IRAK3: variants seen among roughly 807,000 people sequenced by gnomAD.
The protein encoded by IRAK3 is interleukin 1 receptor associated kinase 3.
In IRAK3, 57 loss-of-function variants were observed where a neutral mutation model predicts 56.6. The ratio of observed to expected loss-of-function variants is 1.01; its 90% confidence interval spans 0.81 to 1.26. IRAK3 has a LOEUF of 1.26. Ranked by LOEUF, IRAK3 falls within the 50% of genes most tolerant of loss-of-function variation. IRAK3 has a pLI of 0.00. For missense variants in IRAK3, 703 were observed against 719.0 expected, an observed-to-expected ratio of 0.98 and a Z score of 0.25; for synonymous variants, 258 against 255.7, an observed-to-expected ratio of 1.01 and a Z score of -0.09.
In IRAK3 at chr12:66,252,988, A is replaced by C. The variant is rs2053115457; in HGVS notation, c.*4817A>C. The C allele has an allele frequency of 6.6e-6, 1 of 152,176 alleles. No individual in the cohort carries two copies. The highest frequency in any genetic ancestry group is 1.5e-5 in the Non-Finnish European group (1 of 68,044). 9.4% of individuals were successfully genotyped at this position (152,176 alleles called of 1,614,324 possible). A position where few individuals can be genotyped will look rare whatever the true frequency, so the allele number is the denominator to read the frequency against. The stretch of plus-strand genomic sequence containing the variant: ...CACGTGATACTGGAGTTGCCTGTTA[A>C]ATTATATTTCTTCTTCCACAAAACT... On this transcript the variant is annotated 3_prime_UTR_variant, in exon 12 of 12. Coordinates refer to ENST00000261233, the MANE Select transcript of IRAK3 (RefSeq NM_007199.3).
chr12:66,246,614 A>G (rs1326361867), intron 11 of IRAK3, among the ~76,000 whole-genome samples: 1 of 152,238 alleles, frequency 6.6e-6, no homozygotes, highest in African/African-American at 2.4e-5. Flanking sequence ...CCGGTGTCAA[A>G]CAGCAGGTCT....
intron 5 of IRAK3, among the ~76,000 whole-genome samples, chr12:66,216,673 C>T (rs1331345783): frequency 6.6e-6 from 1 of 152,188 alleles, no homozygotes; most frequent in African/African-American, 2.4e-5. Context: ...TCTAAAGCTT[C>T]TTGAAAGTAA....
At position 66,252,804 on chromosome 12, in the gene IRAK3, C is replaced by G. The variant is rs912029295; in HGVS notation, c.*4633C>G. The G allele has an allele frequency of 1.3e-5, 2 of 152,210 alleles. No homozygotes were observed. Among genetic ancestry groups the G allele is most frequent in the African/African-American group, 4.8e-5 (2 of 41,436 alleles). The allele number at this position is 152,210 out of a possible 1,614,324, so 9.4% of individuals were successfully genotyped here. A position where few individuals can be genotyped will look rare whatever the true frequency, so the allele number is the denominator to read the frequency against. On this transcript the variant is annotated 3_prime_UTR_variant, in exon 12 of 12. Transcript: ENST00000261233. The stretch of plus-strand genomic sequence containing the variant: ...TAATCCCATGGTGGACCTCACTTTG[C>G]TATTCATATGCACTAAGTAGTTTAT...
intron 1 of IRAK3, among the ~76,000 whole-genome samples, chr12:66,200,633 A>G (rs1316560485): frequency 6.6e-6 from 1 of 152,224 alleles, no homozygotes; most frequent in Non-Finnish European, 1.5e-5. Flanking sequence ...CAGTGGGAGC[A>G]TAAAGTTGAG....
chr12:66,222,849 G>A (rs1045377797), intron 6 of IRAK3, among the ~76,000 whole-genome samples: 18 of 151,824 alleles, frequency 1.2e-4, no homozygotes, highest in African/African-American at 3.9e-4. Flanking sequence ...TTTCACTCGC[G>A]TCTGTGTGAA....
intron 7 of IRAK3, among the ~76,000 whole-genome samples, chr12:66,227,682 C>G (rs762937297): frequency 1.3e-5 from 2 of 151,496 alleles, no homozygotes; most frequent in Non-Finnish European, 2.9e-5. Flanking sequence ...TTGCTTGAGC[C>G]CAGGGACATG....
chr12:66,236,213 G>GGAGGAT (rs964407095), intron 8 of IRAK3, among the ~76,000 whole-genome samples: 14 of 152,012 alleles, frequency 9.2e-5, no homozygotes, highest in Non-Finnish European at 1.8e-4. Context: ...CAGGGAGGAG[G>GGAGGAT]GAGGATGAGG....
rs183809844 is a variant in IRAK3, at chr12:66,249,900, C to T, written c.*1729C>T. The T allele has an allele frequency of 6.6e-5, 10 of 152,262 alleles. No individual in the cohort carries two copies. Among genetic ancestry groups the T allele is most frequent in the African/African-American group, 9.6e-5 (4 of 41,540 alleles). 9.4% of individuals were successfully genotyped at this position (152,262 alleles called of 1,614,324 possible). A position where few individuals can be genotyped will look rare whatever the true frequency, so the allele number is the denominator to read the frequency against. On this transcript the variant is annotated 3_prime_UTR_variant, in exon 12 of 12. Transcript: ENST00000261233. ...ATTACACCTGCAAAGTCCGTTTTCT[C>T]GTGTAAAGTAACATATTCACAGGTT...
At chr12:66,235,063 G>A (rs1392938540) in intron 8 of IRAK3, 1 of 1,613,236 alleles carries the variant, frequency 6.2e-7, no homozygotes, top group Non-Finnish European at 8.5e-7. Context: ...GCTTCACCAG[G>A]TCCTGGTCGG....
intron 2 of IRAK3, among the ~76,000 whole-genome samples, chr12:66,206,709 C>A (rs923752872): frequency 1.3e-5 from 2 of 152,142 alleles, no homozygotes; most frequent in African/African-American, 4.8e-5. Flanking sequence ...GCATTGGTAT[C>A]AATAATACTG....
intron 11 of IRAK3, among the ~76,000 whole-genome samples, chr12:66,246,595 C>T (rs577291669): frequency 2.6e-5 from 4 of 152,198 alleles, no homozygotes; most frequent in Non-Finnish European, 5.9e-5. Flanking sequence ...GAATTGGAAG[C>T]CCGGAGATCC....
chr12:66,211,357 C>T, intron 4 of IRAK3, 89 bp from the exon 5 acceptor site: 2 of 978,436 alleles, frequency 2.0e-6, no homozygotes, highest in Non-Finnish European at 1.6e-6. Context: ...TTCCACTGGA[C>T]TCTGATTTGT....
rs373201494 is a variant in IRAK3, at chr12:66,212,559, T to C, written c.588+962T>C. Among the ~76,000 whole-genome samples the C allele has an allele frequency of 2.6e-5, 4 of 152,288 alleles. No individual in the cohort carries two copies. In the East Asian group the frequency reaches 7.7e-4, roughly 29 times the overall value. On this transcript the variant is annotated intron_variant, in intron 5 of 11. Transcript: ENST00000261233. The stretch of plus-strand genomic sequence containing the variant: ...CATGTAGAGATGAATAAGGCATAGT[T>C]CTGTCCTCAAGGAGCTCACAGTCTC...
chr12:66,250,655 C>T lies in IRAK3; in HGVS notation c.*2484C>T, dbSNP rs941714934. On this transcript the variant is annotated 3_prime_UTR_variant, in exon 12 of 12. Coordinates refer to ENST00000261233, the MANE Select transcript of IRAK3 (RefSeq NM_007199.3). ...GAATATGGACCCCCACCAATACATT[C>T]AATGAAGGGTCATTAAGGAAGCTCT... 17 of 152,230 alleles carry T rather than the reference C, an allele frequency of 1.1e-4. No individual in the cohort carries two copies. The highest frequency in any genetic ancestry group is 2.5e-4 in the Non-Finnish European group (17 of 68,058). 9.4% of individuals were successfully genotyped at this position (152,230 alleles called of 1,614,324 possible).
At chr12:66,213,552 A>G (rs1034069148) in intron 5 of IRAK3, among the ~76,000 whole-genome samples, 1 of 152,176 alleles carries the variant, frequency 6.6e-6, no homozygotes. Flanking sequence ...GATACATATT[A>G]TCATATATTT....
intron 2 of IRAK3, 51 bp downstream of exon 2, chr12:66,203,944 A>G: frequency 6.8e-7 from 1 of 1,463,132 alleles, no homozygotes; most frequent in Non-Finnish European, 9.6e-7. Context: ...AGGAACTGTA[A>G]TTTGTAAATT....
In IRAK3 at chr12:66,203,765, ACC is replaced by A; in HGVS notation, c.189_190del (p.Asp63GlufsTer3). 1.2e-6 allele frequency: 2 copies of A among 1,614,094 alleles called. No individual in the cohort carries two copies. Among genetic ancestry groups the A allele is most frequent in the Non-Finnish European group, 1.7e-6 (2 of 1,179,978 alleles). On this transcript the variant is annotated frameshift_variant, in exon 2 of 12. Coordinates refer to ENST00000261233, the MANE Select transcript of IRAK3 (RefSeq NM_007199.3). LOFTEE classifies it high-confidence loss of function. ...GTTCGTCATATTGAAAAGTATGTAG[ACC>A]AAGGTAAAAGTGGAACAAGAGAATT...
At chr12:66,236,498 G>A (rs1282543713) in intron 8 of IRAK3, among the ~76,000 whole-genome samples, 1 of 151,992 alleles carries the variant, frequency 6.6e-6, no homozygotes, top group Non-Finnish European at 1.5e-5. Context: ...AACCCAGGAG[G>A]TGGAGGTTGT....
chr12:66,194,048 A>T (rs932770474), intron 1 of IRAK3, among the ~76,000 whole-genome samples: 1 of 151,734 alleles, frequency 6.6e-6, no homozygotes, highest in African/African-American at 2.4e-5. Context: ...CCCACCTCAG[A>T]CTCCCAAATA....
Sources: allele counts gnomAD v4.1 joint callset (sites outside exome capture counted in the v4.1 genomes callset), GRCh38; gene constraint gnomAD v4.1.1; transcripts MANE v1.5; gene names NCBI Gene and HGNC (gene_info 2026-07-23, HGNC 2026-07-21).